ADCY8: variants seen among roughly 807,000 people sequenced by gnomAD.
ADCY8 encodes adenylate cyclase 8.
Under a neutral mutation model 119.7 loss-of-function variants are expected in ADCY8, and 51 were observed. The observed-to-expected ratio is 0.43, with a 90% CI of 0.34 to 0.54. The LOEUF is 0.54. Ranked by LOEUF, ADCY8 falls within the 20% of genes least tolerant of loss-of-function variation. ADCY8 has a pLI of 0.03. For missense variants in ADCY8, 1,383 were observed against 1,598.8 expected (o/e 0.87, Z 2.30); for synonymous variants, 665 against 651.0 (o/e 1.02, Z -0.33).
chr8:130,811,176 C>T (rs1321754737), intron 14 of ADCY8, among the ~76,000 whole-genome samples: 1 of 152,188 alleles, frequency 6.6e-6, no homozygotes, highest in Non-Finnish European at 1.5e-5. Flanking sequence ...ACCCAAGAGA[C>T]TCTCAAAGAC....
At chr8:130,839,027 G>A (rs1817067880) in intron 11 of ADCY8, among the ~76,000 whole-genome samples, 1 of 139,664 alleles carries the variant, frequency 7.2e-6, no homozygotes, top group Non-Finnish European at 1.6e-5. Flanking sequence ...AAAGGGACGG[G>A]CATTTTAGGA....
chr8:130,865,881 C>T (rs1818101252), intron 9 of ADCY8, among the ~76,000 whole-genome samples: 2 of 152,068 alleles, frequency 1.3e-5, no homozygotes, highest in African/African-American at 4.8e-5. Context: ...TTGATGGTTC[C>T]AGCTCTTCAT....
intron 11 of ADCY8, among the ~76,000 whole-genome samples, chr8:130,846,743 T>C: frequency 8.6e-6 from 1 of 116,264 alleles, no homozygotes; most frequent in Non-Finnish European, 1.8e-5. Flanking sequence ...TCCTTCCCCT[T>C]CCTACCTTCT....
chr8:130,974,082 C>T (rs1822001182), intron 2 of ADCY8, among the ~76,000 whole-genome samples: 1 of 152,236 alleles, frequency 6.6e-6, no homozygotes. Flanking sequence ...AGCTGTCTCT[C>T]TGTCTGTAGA....
At chr8:131,028,959 T>A (rs192184202) in intron 1 of ADCY8, among the ~76,000 whole-genome samples, 3 of 152,186 alleles carry the variant, frequency 2.0e-5, no homozygotes, top group African/African-American at 7.2e-5. Flanking sequence ...CAGGAAGTGA[T>A]TTCCAGTGTG....
chr8:130,880,650 A>G (rs111400607), intron 8 of ADCY8, among the ~76,000 whole-genome samples: 2 of 152,186 alleles, frequency 1.3e-5, no homozygotes, highest in Admixed American at 6.5e-5. Flanking sequence ...TTCTGCTTAG[A>G]AAGTCCTGAT....
chr8:130,802,860 C>T (rs1182670832), intron 14 of ADCY8, among the ~76,000 whole-genome samples: 1 of 152,236 alleles, frequency 6.6e-6, no homozygotes, highest in African/African-American at 2.4e-5. Context: ...AGCACTTGAC[C>T]AATGCCAGTG....
At chr8:131,013,585 C>T (rs1823377850) in intron 1 of ADCY8, among the ~76,000 whole-genome samples, 1 of 152,194 alleles carries the variant, frequency 6.6e-6, no homozygotes, top group Non-Finnish European at 1.5e-5. Flanking sequence ...CCACCATCTC[C>T]TCCTCCATAG....
intron 15 of ADCY8, among the ~76,000 whole-genome samples, chr8:130,787,491 C>A (rs1815283987): frequency 6.6e-6 from 1 of 151,796 alleles, no homozygotes; most frequent in Non-Finnish European, 1.5e-5. Flanking sequence ...TGTATATGTG[C>A]ATATATGTGT....
intron 2 of ADCY8, among the ~76,000 whole-genome samples, chr8:130,963,468 TATTAA>T (rs1483156877): frequency 1.3e-5 from 2 of 152,240 alleles, no homozygotes; most frequent in South Asian, 2.1e-4. Flanking sequence ...TGCTGTCTTT[TATTAA>T]ATTAAATCAT....
chr8:130,946,126 C>T (rs1449831252), intron 3 of ADCY8, among the ~76,000 whole-genome samples: 1 of 152,176 alleles, frequency 6.6e-6, no homozygotes, highest in Non-Finnish European at 1.5e-5. Flanking sequence ...CTACTAGTAT[C>T]CATCTGTCTA....
At chr8:131,014,011 A>G (rs576848405) in intron 1 of ADCY8, among the ~76,000 whole-genome samples, 25 of 152,332 alleles carry the variant, frequency 1.6e-4, no homozygotes, top group Non-Finnish European at 3.1e-4. Flanking sequence ...AGCCCCACTC[A>G]TAAAGAAGGT....
rs748244641 is a variant in ADCY8 at position 130,849,842 on chromosome 8, T to C, written c.2211-39A>G. On this transcript the variant is annotated intron_variant, in intron 9 of 17. Transcript: ENST00000286355. ...CAGAATGTTGGGTCATTGGCATCAA[T>C]TGTCTGAGCAACACTGAAATTCTAT... The C allele has an allele frequency of 3.2e-6, 5 of 1,569,156 alleles. No homozygotes were observed. The South Asian group carries it at 4.6e-5, about 14-fold the overall frequency.
At chr8:130,833,503 C>A (rs55994250) in intron 12 of ADCY8, among the ~76,000 whole-genome samples, 1 of 151,916 alleles carries the variant, frequency 6.6e-6, no homozygotes, top group Non-Finnish European at 1.5e-5. Context: ...ATGTGGTATA[C>A]GAACACAATG....
intron 7 of ADCY8, chr8:130,892,218 C>T (rs572907816): frequency 5.3e-5 from 8 of 152,176 alleles, no homozygotes; most frequent in Non-Finnish European, 1.2e-4. Context: ...TTTCAGCACC[C>T]CTCTGTTGTC....
intron 1 of ADCY8, among the ~76,000 whole-genome samples, chr8:131,004,385 T>C (rs1469999692): frequency 6.6e-6 from 1 of 152,176 alleles, no homozygotes; most frequent in Non-Finnish European, 1.5e-5. Context: ...CCATACCATT[T>C]TTCTGGCATG....
chr8:130,799,068 C>A (rs544630190), intron 15 of ADCY8, among the ~76,000 whole-genome samples: 1 of 151,952 alleles, frequency 6.6e-6, no homozygotes, highest in Non-Finnish European at 1.5e-5. Flanking sequence ...ATCACTTATA[C>A]GTGGAATCTA....
intron 4 of ADCY8, among the ~76,000 whole-genome samples, chr8:130,938,107 T>A (rs542236365): frequency 6.6e-6 from 1 of 152,340 alleles, no homozygotes; most frequent in South Asian, 2.1e-4. Context: ...CCAAGGGCAC[T>A]GGTTTACGAG....
chr8:131,004,701 T>C (rs1021888204), intron 1 of ADCY8, among the ~76,000 whole-genome samples: 1 of 152,200 alleles, frequency 6.6e-6, no homozygotes, highest in Non-Finnish European at 1.5e-5. Context: ...TATACGTATG[T>C]GGACCAAACA....
Sources: gnomAD v4.1 joint callset for allele counts (sites outside exome capture counted in the v4.1 genomes callset) on GRCh38, gnomAD v4.1.1 for gene constraint, MANE v1.5 for transcripts, NCBI Gene and HGNC (gene_info 2026-07-23, HGNC 2026-07-21) for gene names.